Variants in GRM8 observed in about 807,000 individuals in gnomAD.
GRM8 encodes the protein metabotropic glutamate receptor 8.
A neutral mutation model predicts 87.2 loss-of-function variants in GRM8; 47 were observed. That is an observed-to-expected ratio of 0.54 (90% CI 0.43 to 0.69). The LOEUF (loss-of-function observed/expected upper bound fraction) is 0.69. GRM8 is among the 30% of genes least tolerant of loss of function. The pLI, the probability that GRM8 is intolerant of heterozygous loss-of-function variation, is 0.00. For missense variants in GRM8, 1,019 were observed against 1,139.2 expected, an observed-to-expected ratio of 0.89 and a Z score of 1.52; for synonymous variants, 396 against 404.5, an observed-to-expected ratio of 0.98 and a Z score of 0.25.
At chr7:126,892,079 A>G (rs1324340774) in intron 6 of GRM8, among the ~76,000 whole-genome samples, 1 of 150,328 alleles carries the variant, frequency 6.7e-6, no homozygotes, top group Admixed American at 6.6e-5. Context: ...AAAATGCTTA[A>G]ATTGTATAAA....
chr7:126,682,376 A>G (rs1217656623), intron 7 of GRM8, among the ~76,000 whole-genome samples: 2 of 152,190 alleles, frequency 1.3e-5, no homozygotes, highest in South Asian at 2.1e-4. Context: ...ATTTTCATAA[A>G]CCATCTGATT....
intron 2 of GRM8, among the ~76,000 whole-genome samples, chr7:127,135,226 CA>C (rs945600046): frequency 5.1e-4 from 77 of 151,932 alleles, no homozygotes; most frequent in Non-Finnish European, 9.0e-4. Context: ...TTAACCCATT[CA>C]AAAGAAACTA....
chr7:126,695,345 A>G (rs943467350), intron 7 of GRM8, among the ~76,000 whole-genome samples: 63 of 152,188 alleles, frequency 4.1e-4, no homozygotes, highest in African/African-American at 1.5e-3. Context: ...TAAGATTAAA[A>G]TATATGGTCC....
chr7:127,019,082 C>A (rs1006999732), intron 3 of GRM8, among the ~76,000 whole-genome samples: 1 of 151,936 alleles, frequency 6.6e-6, no homozygotes, highest in South Asian at 2.1e-4. Context: ...GTAGGGATGA[C>A]ATATACAGAA....
intron 2 of GRM8, among the ~76,000 whole-genome samples, chr7:127,189,864 A>C (rs1005450033): frequency 2.6e-5 from 4 of 152,240 alleles, no homozygotes; most frequent in Admixed American, 2.6e-4. Context: ...CTGGAAAAAT[A>C]CAAGTCAACA....
chr7:126,770,364 T>A (rs1302455746), intron 6 of GRM8, among the ~76,000 whole-genome samples: 1 of 152,140 alleles, frequency 6.6e-6, no homozygotes, highest in Non-Finnish European at 1.5e-5. Flanking sequence ...AGTAATTACA[T>A]AACATTTTGG....
intron 7 of GRM8, among the ~76,000 whole-genome samples, chr7:126,734,265 G>C (rs941858540): frequency 6.6e-6 from 1 of 151,864 alleles, no homozygotes; most frequent in African/African-American, 2.4e-5. Context: ...AAAAATTCCA[G>C]TTAAGTGGAT....
intron 7 of GRM8, among the ~76,000 whole-genome samples, chr7:126,620,663 C>G (rs1800054045): frequency 7.1e-6 from 1 of 141,296 alleles, no homozygotes. Flanking sequence ...ATCTGCCAAG[C>G]AGGCATAATA....
intron 10 of GRM8, among the ~76,000 whole-genome samples, chr7:126,443,989 G>A (rs1053236542): frequency 1.3e-5 from 2 of 151,756 alleles, no homozygotes; most frequent in African/African-American, 4.8e-5. Context: ...CCAAAGGTGA[G>A]TCTGAATGAC....
intron 2 of GRM8, among the ~76,000 whole-genome samples, chr7:127,148,549 C>T (rs1828673521): frequency 1.3e-5 from 2 of 151,902 alleles, no homozygotes; most frequent in Admixed American, 1.3e-4. Context: ...ACACATAGAA[C>T]ATTCTCCAGG....
chr7:127,142,612 T>G (rs1475704633), intron 2 of GRM8, among the ~76,000 whole-genome samples: 1 of 152,130 alleles, frequency 6.6e-6, no homozygotes, highest in African/African-American at 2.4e-5. Flanking sequence ...ATAAGAATGT[T>G]TGATGAAATA....
chr7:126,710,847 G>A (rs1811025438), intron 7 of GRM8, among the ~76,000 whole-genome samples: 1 of 152,150 alleles, frequency 6.6e-6, no homozygotes, highest in African/African-American at 2.4e-5. Flanking sequence ...TCCATAAGAA[G>A]AATCACAATC....
At chr7:126,735,621 C>CGCCAT (rs756741300) in intron 7 of GRM8, among the ~76,000 whole-genome samples, 6 of 152,064 alleles carry the variant, frequency 3.9e-5, no homozygotes, top group Admixed American at 6.6e-5. Context: ...ACACAAAGGA[C>CGCCAT]GCCATGTTGT....
intron 7 of GRM8, among the ~76,000 whole-genome samples, chr7:126,657,786 T>G (rs1401108357): frequency 7.5e-6 from 1 of 132,832 alleles, no homozygotes; most frequent in Non-Finnish European, 1.6e-5. Context: ...AGTGAGCTAT[T>G]GTGGTGGGGG....
At chr7:126,806,468 A>G (rs1230102045) in intron 6 of GRM8, among the ~76,000 whole-genome samples, 1 of 152,244 alleles carries the variant, frequency 6.6e-6, no homozygotes, top group Non-Finnish European at 1.5e-5. Flanking sequence ...CTGCTTGCGC[A>G]GCTGGCCTGC....
At chr7:126,779,872 G>T (rs1336143261) in intron 6 of GRM8, among the ~76,000 whole-genome samples, 2 of 152,078 alleles carry the variant, frequency 1.3e-5, no homozygotes, top group Non-Finnish European at 2.9e-5. Context: ...TGGGTTTTGA[G>T]ACCAGATTAA....
chr7:126,908,076 T>C (rs899163134), intron 3 of GRM8, among the ~76,000 whole-genome samples: 5 of 152,174 alleles, frequency 3.3e-5, no homozygotes, highest in African/African-American at 9.7e-5. Flanking sequence ...TGGAAGCAGG[T>C]TGTCTTCAAA....
intron 3 of GRM8, among the ~76,000 whole-genome samples, chr7:126,976,581 G>A (rs1048562069): frequency 5.9e-5 from 9 of 152,148 alleles, no homozygotes; most frequent in East Asian, 1.9e-4. Context: ...GCAACAGAGC[G>A]AGACTCTGTC....
chr7:127,243,896 C>T (rs1017584958), intron 1 of GRM8, among the ~76,000 whole-genome samples: 7 of 147,502 alleles, frequency 4.7e-5, no homozygotes, highest in African/African-American at 1.8e-4. Flanking sequence ...ATTTTGTCAA[C>T]AAAATCATAA....
Sources: allele counts gnomAD v4.1 joint callset (sites outside exome capture counted in the v4.1 genomes callset), GRCh38; gene constraint gnomAD v4.1.1; transcripts MANE v1.5; gene names NCBI Gene and HGNC (gene_info 2026-07-23, HGNC 2026-07-21).